The following NAALADL2 variants were observed in gnomAD, a reference collection of about 807,000 sequenced individuals.
The protein encoded by NAALADL2 is N-acetylated alpha-linked acidic dipeptidase like 2.
Under a neutral mutation model 87.2 loss-of-function variants are expected in NAALADL2, and 76 were observed. That is an observed-to-expected ratio of 0.87 (90% confidence interval 0.72 to 1.05). The LOEUF is 1.05. Among genes scored for constraint, NAALADL2 ranks in the 50% least tolerant of loss-of-function variants. The pLI is 0.00. For missense variants in NAALADL2, 1,089 were observed against 945.8 expected, an observed-to-expected ratio of 1.15 and a Z score of -1.99; for synonymous variants, 354 against 331.0, an observed-to-expected ratio of 1.07 and a Z score of -0.75.
At chr3:174,985,221 G>A (rs764656682) in intron 1 of NAALADL2, among the ~76,000 whole-genome samples, 1 of 152,160 alleles carries the variant, frequency 6.6e-6, no homozygotes, top group African/African-American at 2.4e-5. Context: ...TGTGTTCACT[G>A]TTGATCAGAT....
chr3:175,346,412 C>T (rs1017182501), intron 5 of NAALADL2, among the ~76,000 whole-genome samples: 1 of 152,090 alleles, frequency 6.6e-6, no homozygotes, highest in African/African-American at 2.4e-5. Flanking sequence ...ATGCTGTGCC[C>T]ATCTTCCTCA....
intron 2 of NAALADL2, among the ~76,000 whole-genome samples, chr3:174,663,143 G>A (rs73046309): frequency 0.074 from 11,227 of 152,042 alleles, 1,393 homozygotes; most frequent in African/African-American, 0.26. Flanking sequence ...TACTTGAAAA[G>A]GGGAAAATTA....
intron 1 of NAALADL2, among the ~76,000 whole-genome samples, chr3:174,926,713 C>T (rs1047278311): frequency 2.0e-5 from 3 of 152,098 alleles, no homozygotes; most frequent in Non-Finnish European, 2.9e-5. Flanking sequence ...AAGTACTAAA[C>T]ATGGAAAGGA....
At chr3:174,487,264 C>G (rs1717913349) in intron 1 of NAALADL2, among the ~76,000 whole-genome samples, 1 of 152,172 alleles carries the variant, frequency 6.6e-6, no homozygotes, top group Non-Finnish European at 1.5e-5. Context: ...AATTCTTTGT[C>G]TAAGCTAGAT....
chr3:174,601,101 A>G (rs1718412934), intron 2 of NAALADL2, among the ~76,000 whole-genome samples: 1 of 152,150 alleles, frequency 6.6e-6, no homozygotes, highest in African/African-American at 2.4e-5. Flanking sequence ...GTTATTTCAT[A>G]GAAGTACAGA....
chr3:175,344,736 A>G (rs1762948444), intron 5 of NAALADL2, among the ~76,000 whole-genome samples: 2 of 152,072 alleles, frequency 1.3e-5, no homozygotes, highest in Non-Finnish European at 2.9e-5. Context: ...AACAAACTAG[A>G]TTTGTAAAAC....
chr3:175,797,297 A>G (rs1353807057), intron 13 of NAALADL2, among the ~76,000 whole-genome samples: 1 of 152,110 alleles, frequency 6.6e-6, no homozygotes, highest in African/African-American at 2.4e-5. Flanking sequence ...TTTACACATG[A>G]TAACTACTAA....
chr3:175,472,716 T>C (rs141735591), intron 9 of NAALADL2, among the ~76,000 whole-genome samples: 3 of 152,298 alleles, frequency 2.0e-5, no homozygotes, highest in Non-Finnish European at 4.4e-5. Context: ...GGCATTTCCA[T>C]ATGTAGTACA....
intron 2 of NAALADL2, among the ~76,000 whole-genome samples, chr3:174,697,126 A>G (rs962762128): frequency 7.9e-5 from 12 of 150,990 alleles, no homozygotes; most frequent in South Asian, 2.1e-4. Flanking sequence ...CAGTAAAAAA[A>G]TACGCATAGA....
chr3:175,333,685 C>T (rs917690939), intron 5 of NAALADL2, among the ~76,000 whole-genome samples: 6 of 149,980 alleles, frequency 4.0e-5, no homozygotes, highest in African/African-American at 1.5e-4. Context: ...GTGTGGTGGG[C>T]GCCGGGGGGA....
At chr3:175,175,617 T>C (rs1479940715) in intron 2 of NAALADL2, among the ~76,000 whole-genome samples, 13 of 152,130 alleles carry the variant, frequency 8.5e-5, no homozygotes, top group Admixed American at 8.5e-4. Flanking sequence ...ATGTACACAC[T>C]GACCTTCTTG....
intron 9 of NAALADL2, among the ~76,000 whole-genome samples, chr3:175,538,764 CAAGT>C (rs1436935167): frequency 1.3e-5 from 2 of 152,102 alleles, no homozygotes; most frequent in African/African-American, 2.4e-5. Flanking sequence ...ATTTAGTTAA[CAAGT>C]ATTTATTGAG....
intron 6 of NAALADL2, among the ~76,000 whole-genome samples, chr3:175,458,371 C>G (rs1160045743): frequency 6.6e-6 from 1 of 150,922 alleles, no homozygotes; most frequent in African/African-American, 2.4e-5. Flanking sequence ...AATCTATATG[C>G]ATGGGTGTTA....
At chr3:175,727,867 T>C (rs1583030724) in intron 11 of NAALADL2, among the ~76,000 whole-genome samples, 1 of 152,112 alleles carries the variant, frequency 6.6e-6, no homozygotes, top group East Asian at 1.9e-4. Context: ...GGAGCATTAT[T>C]CAGGTGTTGG....
At chr3:174,927,604 G>T (rs1178030043) in intron 1 of NAALADL2, among the ~76,000 whole-genome samples, 2 of 152,170 alleles carry the variant, frequency 1.3e-5, no homozygotes, top group East Asian at 1.9e-4. Context: ...GCTCCTGAAT[G>T]ACTACTGGGT....
At chr3:175,718,364 G>T in intron 11 of NAALADL2, 1 of 1,601,176 alleles carries the variant, frequency 6.2e-7, no homozygotes, top group Non-Finnish European at 8.5e-7. Flanking sequence ...ATATGCTCTT[G>T]GGTCCACCAC....
chr3:174,564,717 G>T (rs1350865360), intron 2 of NAALADL2, among the ~76,000 whole-genome samples: 1 of 151,966 alleles, frequency 6.6e-6, no homozygotes, highest in Admixed American at 6.6e-5. Context: ...TATTCCTAAT[G>T]AATTTAGTGA....
At chr3:174,660,658 CATG>C (rs1387554927) in intron 2 of NAALADL2, among the ~76,000 whole-genome samples, 2 of 139,980 alleles carry the variant, frequency 1.4e-5, no homozygotes, top group Non-Finnish European at 2.9e-5. Flanking sequence ...TATGCCTTAT[CATG>C]ATAAATTTAT....
At chr3:174,767,657 G>A (rs1024435916) in intron 3 of NAALADL2, among the ~76,000 whole-genome samples, 6 of 152,230 alleles carry the variant, frequency 3.9e-5, no homozygotes, top group Non-Finnish European at 8.8e-5. Context: ...ACAAGAGACA[G>A]TGCCTGATAT....
Sources: gnomAD v4.1 joint callset for allele counts (sites outside exome capture counted in the v4.1 genomes callset) on GRCh38, gnomAD v4.1.1 for gene constraint, MANE v1.5 for transcripts, NCBI Gene and HGNC (gene_info 2026-07-23, HGNC 2026-07-21) for gene names.